The following DOK5 variants were observed in gnomAD, a reference collection of about 807,000 sequenced individuals.
The protein encoded by DOK5 is downstream of tyrosine kinase 5.
DOK5 carries 27 observed loss-of-function variants against 43.3 expected under a neutral mutation model. The ratio of observed to expected loss-of-function variants is 0.62; its 90% CI spans 0.46 to 0.86. The LOEUF is 0.86. Ranked by LOEUF, DOK5 falls within the 40% of genes least tolerant of loss-of-function variation. The probability of loss-of-function intolerance (pLI) is 0.00; values close to 1 mark genes in which losing one functional copy is unlikely to be tolerated. For synonymous variants in DOK5, 146 were observed against 140.1 expected, an observed-to-expected ratio of 1.04 and a Z score of -0.30; for missense variants, 373 against 392.9, an observed-to-expected ratio of 0.95 and a Z score of 0.43.
rs904660916 is a variant in DOK5 at position 54,650,689 on chromosome 20, C to G, written c.*210C>G. Reference sequence around the variant, plus strand: ...ATTCTTAGTGTAATTGAAACGTGCTCTATAGATATTGACTCTGTGTTCCCT... The same window carrying G: ...ATTCTTAGTGTAATTGAAACGTGCTGTATAGATATTGACTCTGTGTTCCCT... On this transcript the variant is annotated 3_prime_UTR_variant, in exon 8 of 8. Coordinates refer to ENST00000262593, the MANE Select transcript of DOK5 (RefSeq NM_018431.5). 4 of 473,868 alleles carry G rather than the reference C, an allele frequency of 8.4e-6. No homozygotes were observed. Among genetic ancestry groups the G allele is most frequent in the African/African-American group, 2.0e-5 (1 of 50,230 alleles). The allele number at this position is 473,868 out of a possible 1,614,324, so 29.4% of individuals were successfully genotyped here. A position where few individuals can be genotyped will look rare whatever the true frequency, so the allele number is the denominator to read the frequency against.
rs201699496 is a variant in DOK5, at chr20:54,634,578, A to C, written c.736-8880A>C. Among the ~76,000 whole-genome samples, 291 of 150,812 alleles carry C rather than the reference A, an allele frequency of 1.9e-3. No homozygotes were observed. The East Asian group carries it at 0.03, about 16-fold the overall frequency. On this transcript the variant is annotated intron_variant, in intron 6 of 7. Transcript: ENST00000262593. Reference sequence around the variant, plus strand: ...TGCCTCAGCCTCCTGAGTAGCTGGGACTACAGGCGCCCGCCACCATGCCCG... The same window carrying C: ...TGCCTCAGCCTCCTGAGTAGCTGGGCCTACAGGCGCCCGCCACCATGCCCG...
intron 1 of DOK5, among the ~76,000 whole-genome samples, chr20:54,509,892 G>A (rs1000378625): frequency 4.0e-5 from 6 of 148,938 alleles, no homozygotes; most frequent in East Asian, 2.1e-4. Context: ...GTTACACTGC[G>A]ATCTGGAAAT....
rs142973455 is a variant in DOK5 at position 54,496,437 on chromosome 20, G to C, written c.66+20425G>C. Among the ~76,000 whole-genome samples, 1,190 of 152,212 alleles carry C rather than the reference G, an allele frequency of 7.8e-3. 23 individuals are homozygous for C. The highest frequency in any genetic ancestry group is 0.027 in the African/African-American group (1,129 of 41,536). On this transcript the variant is annotated intron_variant, in intron 1 of 7. Coordinates refer to ENST00000262593, the MANE Select transcript of DOK5 (RefSeq NM_018431.5). ...TATTAAATTTAAGGGAGAGCATATT[G>C]GATGAATAACATCAGTTCAAGTTTT...
At chr20:54,627,079 T>G (rs776152260) in intron 6 of DOK5, among the ~76,000 whole-genome samples, 4 of 152,242 alleles carry the variant, frequency 2.6e-5, no homozygotes, top group Non-Finnish European at 4.4e-5. Flanking sequence ...GCATGATATT[T>G]CAGAGTCTTG....
chr20:54,548,733 C>T (rs903607627), intron 1 of DOK5, among the ~76,000 whole-genome samples: 6 of 152,166 alleles, frequency 3.9e-5, no homozygotes, highest in African/African-American at 1.4e-4. Flanking sequence ...GCCCTAAACT[C>T]TTAAGCGAAT....
At chr20:54,531,557 GA>G (rs910623633) in intron 1 of DOK5, among the ~76,000 whole-genome samples, 2 of 152,214 alleles carry the variant, frequency 1.3e-5, no homozygotes, top group African/African-American at 2.4e-5. Context: ...AAGGAAGATA[GA>G]AGTTGAGTCT....
At chr20:54,574,069 A>AT (rs1440897887) in intron 2 of DOK5, among the ~76,000 whole-genome samples, 4 of 152,114 alleles carry the variant, frequency 2.6e-5, no homozygotes. Flanking sequence ...GCCTTCTGTC[A>AT]TTTCCTGCAT....
chr20:54,643,474 G>T lies in DOK5; in HGVS notation c.752G>T (p.Ser251Ile). 6.2e-7 allele frequency: 1 copy of T among 1,613,630 alleles called. No individual in the cohort carries two copies. The highest frequency in any genetic ancestry group is 8.5e-7 in the Non-Finnish European group (1 of 1,180,042). ...TGGCTGCAGCTCCAGATGAAGATGA[G>T]TGAGCGGGCCGCCTCGCTGAGCACC... is the stretch of plus-strand genomic sequence containing the variant. ...VKNSMLQMKM[S>I]ERAASLSTMV... The change falls in exon 7 of 8, where the codon AGT becomes ATT. Residue 251 changes from serine to isoleucine, a missense_variant. Ser to Ile is a moderately radical substitution (Grantham distance 142). Coordinates refer to ENST00000262593, the MANE Select transcript of DOK5 (RefSeq NM_018431.5).
intron 5 of DOK5, among the ~76,000 whole-genome samples, chr20:54,595,637 G>A (rs1986116702): frequency 6.6e-6 from 1 of 152,180 alleles, no homozygotes; most frequent in Admixed American, 6.5e-5. Context: ...GCCACTCAAT[G>A]TTATATCTCC....
intron 6 of DOK5, among the ~76,000 whole-genome samples, chr20:54,611,909 C>T (rs997860075): frequency 7.2e-5 from 11 of 152,128 alleles, no homozygotes; most frequent in Admixed American, 1.3e-4. Flanking sequence ...ATTTTAGAGC[C>T]GGGGTCAGCA....
At chr20:54,603,986 G>A (rs376284843) in intron 5 of DOK5, among the ~76,000 whole-genome samples, 5 of 118,646 alleles carry the variant, frequency 4.2e-5, no homozygotes, top group African/African-American at 1.4e-4. Flanking sequence ...TTGCTCTGTC[G>A]CCCAGGCTGG....
chr20:54,505,671 TA>T (rs1160140525), intron 1 of DOK5, among the ~76,000 whole-genome samples: 1 of 150,008 alleles, frequency 6.7e-6, no homozygotes, highest in African/African-American at 2.5e-5. Flanking sequence ...AGAGAGAGTA[TA>T]GGGGGTGGGA....
chr20:54,563,191 C>T (rs1335849727), intron 2 of DOK5, among the ~76,000 whole-genome samples: 4 of 152,170 alleles, frequency 2.6e-5, no homozygotes, highest in Admixed American at 2.6e-4. Flanking sequence ...TGATTTTGGG[C>T]TCTGGCCTCC....
At chr20:54,509,335 C>T (rs1220821627) in intron 1 of DOK5, among the ~76,000 whole-genome samples, 9 of 152,122 alleles carry the variant, frequency 5.9e-5, no homozygotes, top group Non-Finnish European at 1.0e-4. Context: ...GGACTACAGT[C>T]GTGCACCACT....
At chr20:54,579,914 A>C (rs2146757207) in intron 2 of DOK5, among the ~76,000 whole-genome samples, 1 of 152,074 alleles carries the variant, frequency 6.6e-6, no homozygotes, top group Non-Finnish European at 1.5e-5. Context: ...ATTTCTCCTA[A>C]TGCTATCCCT....
At chr20:54,545,089 A>G (rs1316330506) in intron 1 of DOK5, among the ~76,000 whole-genome samples, 1 of 152,238 alleles carries the variant, frequency 6.6e-6, no homozygotes, top group Non-Finnish European at 1.5e-5. Context: ...AGCTTGGCCC[A>G]AGCCCAAGAA....
chr20:54,610,141 TTC>T (rs1225118656), intron 5 of DOK5, among the ~76,000 whole-genome samples: 1 of 152,238 alleles, frequency 6.6e-6, no homozygotes, highest in Non-Finnish European at 1.5e-5. Context: ...TAAAAAAAAT[TTC>T]TGTTTTACTT....
intron 1 of DOK5, among the ~76,000 whole-genome samples, chr20:54,549,782 A>C (rs553073885): frequency 6.6e-6 from 1 of 152,316 alleles, no homozygotes; most frequent in South Asian, 2.1e-4. Flanking sequence ...TTTTTCTTGC[A>C]GTGGGCATGA....
chr20:54,618,089 T>G (rs1986868834), intron 6 of DOK5, among the ~76,000 whole-genome samples: 3 of 152,196 alleles, frequency 2.0e-5, no homozygotes, highest in Admixed American at 2.0e-4. Context: ...CCTACAGGGC[T>G]TACAATGGAA....
Sources: gnomAD v4.1 joint callset for allele counts (sites outside exome capture counted in the v4.1 genomes callset) on GRCh38, gnomAD v4.1.1 for gene constraint, MANE v1.5 for transcripts, NCBI Gene and HGNC (gene_info 2026-07-23, HGNC 2026-07-21) for gene names.